SH3BGRL: variants seen among roughly 807,000 people sequenced by gnomAD.
The protein encoded by SH3BGRL is SH3 domain binding glutamate rich protein like.
Under a neutral mutation model 9.8 loss-of-function variants are expected in SH3BGRL, and 7 were observed. The observed-to-expected ratio is 0.72, with a 90% CI of 0.41 to 1.35. The LOEUF (loss-of-function observed/expected upper bound fraction) is 1.35, where lower values mean the gene tolerates loss of function less well. Among genes scored for constraint, SH3BGRL ranks in the 40% most tolerant of loss-of-function variants. The pLI is 0.01. For missense variants in SH3BGRL, 73 were observed against 84.4 expected (o/e 0.86, Z 0.53); for synonymous variants, 36 against 29.1 (o/e 1.24, Z -0.76).
chrX:81,274,805 G>T (rs895965376), intron 1 of SH3BGRL, among the ~76,000 whole-genome samples: 3 of 110,759 alleles, frequency 2.7e-5, no homozygotes, highest in African/African-American at 9.9e-5. Flanking sequence ...GATCAAGTTA[G>T]GAAACATTTT....
In SH3BGRL at chrX:81,277,169, G is replaced by A. The variant is rs61733585; in HGVS notation, c.231G>A (p.Gly77=). ...PQIFNESQYR[G]DYDAFFEARE... is the part of the protein sequence containing the mutation. The stretch of plus-strand genomic sequence containing the variant: ...TTTTCAATGAAAGCCAGTATCGCGG[G>A]GTAAGAAAACAATTTAAATTCTTGT... The change falls in exon 2 of 4, where the codon GGG becomes GGA. Residue 77 remains glycine, a splice_region_variant and synonymous_variant. Coordinates refer to ENST00000373212, the MANE Select transcript of SH3BGRL (RefSeq NM_003022.3). The A allele has an allele frequency of 8.6e-4, 1,032 of 1,198,087 alleles. 1 individual carries two copies. Among genetic ancestry groups the A allele is most frequent in the Non-Finnish European group, 9.9e-4 (876 of 888,436 alleles).
chrX:81,224,159 C>G (rs1372340775), intron 1 of SH3BGRL, among the ~76,000 whole-genome samples: 1 of 111,966 alleles, frequency 8.9e-6, no homozygotes, highest in African/African-American at 3.2e-5. Flanking sequence ...TTGAATTATA[C>G]TGCTTGTTGT....
chrX:81,230,073 G>T (rs754514497), intron 1 of SH3BGRL, among the ~76,000 whole-genome samples: 1 of 111,758 alleles, frequency 8.9e-6, no homozygotes, highest in Admixed American at 9.5e-5. Context: ...CTTCATTTCT[G>T]TGAACCTCAG....
intron 3 of SH3BGRL, among the ~76,000 whole-genome samples, chrX:81,287,731 C>T (rs535168251): frequency 1.8e-5 from 2 of 110,119 alleles, no homozygotes; most frequent in African/African-American, 6.6e-5. Flanking sequence ...CAGCAGACCA[C>T]CAGGGCATGT....
chrX:81,255,632 G>T (rs951871749), intron 1 of SH3BGRL: 1 of 112,243 alleles, frequency 8.9e-6, no homozygotes, highest in East Asian at 2.8e-4. Flanking sequence ...GCATTTGAGG[G>T]CTTGCTTCAC....
At chrX:81,258,312 C>A (rs916453660) in intron 1 of SH3BGRL, among the ~76,000 whole-genome samples, 8 of 111,706 alleles carry the variant, frequency 7.2e-5, no homozygotes, top group Admixed American at 6.7e-4. Context: ...CTGCTGAAAA[C>A]AAGTAAATGA....
chrX:81,209,803 G>T (rs1286120436), intron 1 of SH3BGRL, among the ~76,000 whole-genome samples: 1 of 111,748 alleles, frequency 8.9e-6, no homozygotes, highest in Non-Finnish European at 1.9e-5. Context: ...GTAGCACCAT[G>T]TTCTTTTAAA....
intron 3 of SH3BGRL, among the ~76,000 whole-genome samples, chrX:81,287,801 T>C (rs1021168156): frequency 9.0e-6 from 1 of 110,561 alleles, no homozygotes; most frequent in Non-Finnish European, 1.9e-5. Flanking sequence ...TAAAGTATAA[T>C]AATAAAAAAG....
intron 1 of SH3BGRL, among the ~76,000 whole-genome samples, chrX:81,262,785 C>T (rs1037219151): frequency 1.5e-4 from 17 of 111,920 alleles, no homozygotes; most frequent in Non-Finnish European, 2.8e-4. Flanking sequence ...ATGTAAATTG[C>T]ATTCCAGAAT....
chrX:81,225,262 G>A (rs1602599100), intron 1 of SH3BGRL, among the ~76,000 whole-genome samples: 2 of 111,078 alleles, frequency 1.8e-5, no homozygotes, highest in South Asian at 7.5e-4. Context: ...CATAGAGCAG[G>A]AGATTATTTA....
At chrX:81,265,372 G>A (rs759834589) in intron 1 of SH3BGRL, among the ~76,000 whole-genome samples, 4 of 108,694 alleles carry the variant, frequency 3.7e-5, no homozygotes, top group African/African-American at 1.0e-4. Context: ...TCCCACACCC[G>A]CCACAGGCCC....
intron 3 of SH3BGRL, among the ~76,000 whole-genome samples, chrX:81,291,849 T>C (rs966591952): frequency 6.2e-5 from 7 of 112,333 alleles, no homozygotes; most frequent in Non-Finnish European, 9.4e-5. Context: ...AGGACAATTA[T>C]TACATCTTAA....
At chrX:81,211,523 C>G (rs1045380575) in intron 1 of SH3BGRL, among the ~76,000 whole-genome samples, 1 of 110,179 alleles carries the variant, frequency 9.1e-6, no homozygotes, top group African/African-American at 3.3e-5. Flanking sequence ...GGAGGCGGAG[C>G]TTGCAGTGAT....
At chrX:81,288,790 T>TA (rs2075846383) in intron 3 of SH3BGRL, among the ~76,000 whole-genome samples, 1 of 111,724 alleles carries the variant, frequency 9.0e-6, no homozygotes, top group African/African-American at 3.2e-5. Flanking sequence ...GAAGATGACA[T>TA]AAAAAATTGA....
chrX:81,266,001 A>C (rs963835828), intron 1 of SH3BGRL, among the ~76,000 whole-genome samples: 10 of 112,146 alleles, frequency 8.9e-5, no homozygotes, highest in Non-Finnish European at 1.9e-4. Context: ...TCTTCTTTTG[A>C]GATGTGTCTG....
At chrX:81,206,570 T>G (rs2147663900) in intron 1 of SH3BGRL, among the ~76,000 whole-genome samples, 1 of 111,300 alleles carries the variant, frequency 9.0e-6, no homozygotes, top group Admixed American at 9.5e-5. Flanking sequence ...CCCAGTGATT[T>G]ATGGCAACTA....
intron 1 of SH3BGRL, among the ~76,000 whole-genome samples, chrX:81,235,504 A>C (rs1468244906): frequency 1.8e-5 from 2 of 110,804 alleles, no homozygotes; most frequent in Non-Finnish European, 3.8e-5. Context: ...TAGTGCCTCA[A>C]GCAAACAATT....
chrX:81,248,831 G>A (rs1199605527), intron 1 of SH3BGRL, among the ~76,000 whole-genome samples: 1 of 111,821 alleles, frequency 8.9e-6, no homozygotes, highest in Non-Finnish European at 1.9e-5. Context: ...CTGTCCATTG[G>A]CCTGGGTTGC....
rs12833985 is a variant in SH3BGRL at position 81,242,332 on chromosome X, T to A, written c.46-34652T>A. Among the ~76,000 whole-genome samples the A allele has an allele frequency of 2.7e-5, 3 of 111,826 alleles. No individual in the cohort carries two copies. The Admixed American group carries it at 2.8e-4, about 11-fold the overall frequency. ...ACTGGGGAAAAGAGAGTCACTTCGA[T>A]TAATGGTGCTGGAAAACTGGACATC... On this transcript the variant is annotated intron_variant, in intron 1 of 3. Coordinates refer to ENST00000373212, the MANE Select transcript of SH3BGRL (RefSeq NM_003022.3).
Sources: allele counts gnomAD v4.1 joint callset (sites outside exome capture counted in the v4.1 genomes callset), GRCh38; gene constraint gnomAD v4.1.1; transcripts MANE v1.5; gene names NCBI Gene and HGNC (gene_info 2026-07-23, HGNC 2026-07-21).